The following NPBWR1 variants were observed in gnomAD, a reference collection of about 807,000 sequenced individuals.
NPBWR1 encodes neuropeptides B and W receptor 1.
NPBWR1 carries 4 observed loss-of-function variants against 2.8 expected under a neutral mutation model. The observed-to-expected ratio is 1.44, with a 90% CI of 0.71 to 3.29. The LOEUF is 3.29. NPBWR1 is among the 30% of genes most tolerant of loss of function. The pLI, the probability that NPBWR1 is intolerant of heterozygous loss-of-function variation, is 0.01. For synonymous variants in NPBWR1, 250 were observed against 224.5 expected, an observed-to-expected ratio of 1.11 and a Z score of -1.02; for missense variants, 545 against 462.5, an observed-to-expected ratio of 1.18 and a Z score of -1.64.
In NPBWR1 at chr8:52,939,879, A is replaced by C. The variant is rs756921952; in HGVS notation, c.-29A>C. 1.3e-6 allele frequency: 2 copies of C among 1,494,860 alleles called. No homozygotes were observed. The highest frequency in any genetic ancestry group is 2.3e-5 in the East Asian group (1 of 43,110). 92.6% of individuals were successfully genotyped at this position (1,494,860 alleles called of 1,614,324 possible). ...CCGTAGGGCGTCCTTGGGGGACGCC[A>C]GGTCGCCGGCTCCTCTGCCCTCGTT... On this transcript the variant is annotated 5_prime_UTR_variant, in exon 2 of 2. Coordinates refer to ENST00000674939, the MANE Select transcript of NPBWR1 (RefSeq NM_005285.5).
chr8:52,939,861 G>T lies in NPBWR1; in HGVS notation c.-47G>T. On this transcript the variant is annotated 5_prime_UTR_variant, in exon 2 of 2. Transcript: ENST00000674939. ...CTTCAGGACCGCTGAGCTCCGTAGGGCGTCCTTGGGGGACGCCAGGTCGCC... is the reference window on the plus strand; with the variant it reads ...CTTCAGGACCGCTGAGCTCCGTAGGTCGTCCTTGGGGGACGCCAGGTCGCC... 2 of 1,476,344 alleles carry T rather than the reference G, an allele frequency of 1.4e-6. No homozygotes were observed. Among genetic ancestry groups the T allele is most frequent in the South Asian group, 2.8e-5 (2 of 71,798 alleles). The allele number at this position is 1,476,344 out of a possible 1,614,324, so 91.5% of individuals were successfully genotyped here.
Position 52,941,596 on chromosome 8 carries a change from C to A in NPBWR1, c.*702C>A, listed in dbSNP as rs909417598. 2.0e-5 allele frequency among the ~76,000 whole-genome samples: 3 copies of A among 152,224 alleles called. No homozygotes were observed. Reference sequence around the variant, plus strand: ...CGCGCGTTTGCGGAGGCATGAAATGCGGGGAAAGAGGCTGGCGCTTGGCAG... The same window carrying A: ...CGCGCGTTTGCGGAGGCATGAAATGAGGGGAAAGAGGCTGGCGCTTGGCAG... On this transcript the variant is annotated 3_prime_UTR_variant, in exon 2 of 2. Coordinates refer to ENST00000674939, the MANE Select transcript of NPBWR1 (RefSeq NM_005285.5).
In NPBWR1 at chr8:52,940,537, G is replaced by A; in HGVS notation, c.630G>A (p.Leu210=). Residue 210 remains leucine, a synonymous_variant, in exon 2 of 2, where the codon CTG becomes CTA. Transcript: ENST00000674939. Reference sequence around the variant, plus strand: ...CGAGCCGCCTCTACACGCTCGTGCTGGGCTTCGCCATCCCCGTGTCCACCA... The same window carrying A: ...CGAGCCGCCTCTACACGCTCGTGCTAGGCTTCGCCATCCCCGTGTCCACCA... ...WRASRLYTLV[L]GFAIPVSTIC... 1.3e-6 allele frequency: 2 copies of A among 1,595,504 alleles called. No homozygotes were observed. The highest frequency in any genetic ancestry group is 1.1e-5 in the South Asian group (1 of 89,224).
rs113124539 is a variant in NPBWR1 at position 52,941,761 on chromosome 8, G to A, written c.*867G>A. Among the ~76,000 whole-genome samples the A allele has an allele frequency of 0.17, 25,211 of 152,252 alleles. 2,196 individuals are homozygous for A. The highest frequency in any genetic ancestry group is 0.22 in the African/African-American group (9,281 of 41,548). ...GAGCAAGGAACCCGGAGTAGCCCGGGCGCGCGGTTCCGGCGCCCCCTGGAG... is the reference window on the plus strand; with the variant it reads ...GAGCAAGGAACCCGGAGTAGCCCGGACGCGCGGTTCCGGCGCCCCCTGGAG... On this transcript the variant is annotated 3_prime_UTR_variant, in exon 2 of 2. Transcript: ENST00000674939.
At position 52,942,432 on chromosome 8, in the gene NPBWR1, A is replaced by C. The variant is rs1296341200; in HGVS notation, c.*1538A>C. Among the ~76,000 whole-genome samples, 6 of 152,212 alleles carry C rather than the reference A, an allele frequency of 3.9e-5. No homozygotes were observed. On this transcript the variant is annotated 3_prime_UTR_variant, in exon 2 of 2. Coordinates refer to ENST00000674939, the MANE Select transcript of NPBWR1 (RefSeq NM_005285.5). ...AACCCTAAGCAAAGTCTGGTAATTG[A>C]TTATGGTGTTTTAAAAGGTATTAAT...
At position 52,939,931 on chromosome 8, in the gene NPBWR1, G is replaced by T; in HGVS notation, c.24G>T (p.Glu8Asp). 1.9e-6 allele frequency: 3 copies of T among 1,562,048 alleles called. No homozygotes were observed. Among genetic ancestry groups the T allele is most frequent in the Non-Finnish European group, 2.6e-6 (3 of 1,161,960 alleles). ...AGATGGACAACGCCTCGTTCTCGGA[G>T]CCCTGGCCCGCCAACGCATCGGGCC... is the stretch of plus-strand genomic sequence containing the variant. MDNASFS[E>D]PWPANASGPD... The change falls in exon 2 of 2, where the codon GAG (glutamate) becomes GAT (aspartate). Residue 8 changes from glutamate to aspartate, a missense_variant. Coordinates refer to ENST00000674939, the MANE Select transcript of NPBWR1 (RefSeq NM_005285.5).
In NPBWR1 at chr8:52,940,140, A is replaced by C. The variant is rs1409159643; in HGVS notation, c.233A>C (p.Asn78Thr). ...MKTVTNLFIL[N>T]LAIADELFTL... The stretch of plus-strand genomic sequence containing the variant: ...ACCGTCACCAACCTGTTCATCCTCA[A>C]CCTGGCCATCGCCGACGAGCTCTTC... The change falls in exon 2 of 2, where the codon AAC (asparagine) becomes ACC (threonine). Residue 78 changes from asparagine (N) to threonine (T), a missense_variant. Coordinates refer to ENST00000674939, the MANE Select transcript of NPBWR1 (RefSeq NM_005285.5). The C allele has an allele frequency of 3.1e-6, 5 of 1,613,220 alleles. No homozygotes were observed. The South Asian group carries it at 3.3e-5, about 11-fold the overall frequency.
rs1291575807 is a variant in NPBWR1, at chr8:52,939,899, C to T, written c.-9C>T. On this transcript the variant is annotated 5_prime_UTR_variant, in exon 2 of 2. Transcript: ENST00000674939. ...ACGCCAGGTCGCCGGCTCCTCTGCC[C>T]TCGTTGAGATGGACAACGCCTCGTT... The T allele has an allele frequency of 1.3e-6, 2 of 1,524,950 alleles. No homozygotes were observed. The highest frequency in any genetic ancestry group is 2.1e-5 in the Admixed American group (1 of 48,246). 94.5% of individuals were successfully genotyped at this position (1,524,950 alleles called of 1,614,324 possible). A position where few individuals can be genotyped will look rare whatever the true frequency, so the allele number is the denominator to read the frequency against.
rs1022735110 is a variant in NPBWR1, at chr8:52,943,249, C to T, written c.*2355C>T. On this transcript the variant is annotated 3_prime_UTR_variant, in exon 2 of 2. Coordinates refer to ENST00000674939, the MANE Select transcript of NPBWR1 (RefSeq NM_005285.5). ...TGGAGATGACTGCTGGAAAAATACA[C>T]GGGCTGACATTGCTGTTCATCCCCA... Among the ~76,000 whole-genome samples, 3 of 152,206 alleles carry T rather than the reference C, an allele frequency of 2.0e-5. No individual in the cohort carries two copies. Among genetic ancestry groups the T allele is most frequent in the Non-Finnish European group, 2.9e-5 (2 of 68,034 alleles).
In NPBWR1 at chr8:52,940,351, C is replaced by G. The variant is rs201268264; in HGVS notation, c.444C>G (p.Ala148=). ...VLATAESRRV[A]GRTYSAARAV... is the part of the protein sequence containing the mutation. ...CCACTGCGGAGTCGCGCCGGGTGGCCGGCCGCACCTACAGCGCCGCGCGCG... is the reference window on the plus strand; with the variant it reads ...CCACTGCGGAGTCGCGCCGGGTGGCGGGCCGCACCTACAGCGCCGCGCGCG... The change falls in exon 2 of 2, where the codon GCC becomes GCG. Residue 148 remains alanine, a synonymous_variant. Coordinates refer to ENST00000674939, the MANE Select transcript of NPBWR1 (RefSeq NM_005285.5). 2 of 1,608,974 alleles carry G rather than the reference C, an allele frequency of 1.2e-6. No individual in the cohort carries two copies. The highest frequency in any genetic ancestry group is 1.1e-5 in the South Asian group (1 of 91,004).
In NPBWR1 at chr8:52,941,637, T is replaced by C. The variant is rs1250961638; in HGVS notation, c.*743T>C. 6.6e-6 allele frequency among the ~76,000 whole-genome samples: 1 copy of C among 152,266 alleles called. No individual in the cohort carries two copies. Among genetic ancestry groups the C allele is most frequent in the Non-Finnish European group, 1.5e-5 (1 of 68,050 alleles). On this transcript the variant is annotated 3_prime_UTR_variant, in exon 2 of 2. Coordinates refer to ENST00000674939, the MANE Select transcript of NPBWR1 (RefSeq NM_005285.5). Reference sequence around the variant, plus strand: ...CGCTTGGCAGTGACTGCCTAGAATATGATACGAATAGTGATCCTTCTTTCT... The same window carrying C: ...CGCTTGGCAGTGACTGCCTAGAATACGATACGAATAGTGATCCTTCTTTCT...
In NPBWR1 at chr8:52,941,846, G is replaced by A. The variant is rs1464429476; in HGVS notation, c.*952G>A. Among the ~76,000 whole-genome samples, 1 of 152,196 alleles carries A rather than the reference G, an allele frequency of 6.6e-6. No homozygotes were observed. The highest frequency in any genetic ancestry group is 2.4e-5 in the African/African-American group (1 of 41,466). ...GCGGGGCTTTGTGGTGGAGCACTCC[G>A]GCTGAGCGCGCTTCACAGCGCTGTG... On this transcript the variant is annotated 3_prime_UTR_variant, in exon 2 of 2. Transcript: ENST00000674939.
chr8:52,940,826 T>C lies in NPBWR1; in HGVS notation c.919T>C (p.Tyr307His). The C allele has an allele frequency of 6.2e-7, 1 of 1,613,840 alleles. No individual in the cohort carries two copies. Among genetic ancestry groups the C allele is most frequent in the Non-Finnish European group, 8.5e-7 (1 of 1,179,870 alleles). Residue 307 changes from tyrosine (Y) to histidine (H), a missense_variant, in exon 2 of 2, where the codon TAC becomes CAC. Transcript: ENST00000674939. ...YANSCLNPFLYAFLDASFRRN... is the reference protein window; with the variant it reads ...YANSCLNPFLHAFLDASFRRN... ...CAACAGCTGCCTCAACCCCTTCCTC[T>C]ACGCCTTCCTGGACGCCAGCTTCCG...
In NPBWR1 at chr8:52,941,412, G is replaced by T. The variant is rs1269904221; in HGVS notation, c.*518G>T. ...GCGCTCTGGGAAGACGGTCAGGCGC[G>T]CGCGTTTGGCGCCCACCCCTGTGAG... On this transcript the variant is annotated 3_prime_UTR_variant, in exon 2 of 2. Transcript: ENST00000674939. Among the ~76,000 whole-genome samples the T allele has an allele frequency of 6.6e-6, 1 of 152,204 alleles. No individual in the cohort carries two copies. The highest frequency in any genetic ancestry group is 1.5e-5 in the Non-Finnish European group (1 of 68,032).
chr8:52,940,980 C>A lies in NPBWR1; in HGVS notation c.*86C>A. ...CGCCAGAGTGCGGGACCAGACAGGC[C>A]GCCTAGGCCTCCTGGGGAAACCGAC... is the stretch of plus-strand genomic sequence containing the variant. On this transcript the variant is annotated 3_prime_UTR_variant, in exon 2 of 2. Transcript: ENST00000674939. 4 of 1,459,798 alleles carry A rather than the reference C, an allele frequency of 2.7e-6. No homozygotes were observed. Among genetic ancestry groups the A allele is most frequent in the Non-Finnish European group, 3.6e-6 (4 of 1,108,296 alleles). 90.4% of individuals were successfully genotyped at this position (1,459,798 alleles called of 1,614,324 possible).
Position 52,942,695 on chromosome 8 carries a change from G to C in NPBWR1, c.*1801G>C, listed in dbSNP as rs1269257991. Among the ~76,000 whole-genome samples, 1 of 152,182 alleles carries C rather than the reference G, an allele frequency of 6.6e-6. No homozygotes were observed. Among genetic ancestry groups the C allele is most frequent in the Non-Finnish European group, 1.5e-5 (1 of 68,036 alleles). Reference sequence around the variant, plus strand: ...TCTCTAATTTTGGTGAATAAGAATTGCTTTCTTAGCTCTCAGAGTTTTTAG... The same window carrying C: ...TCTCTAATTTTGGTGAATAAGAATTCCTTTCTTAGCTCTCAGAGTTTTTAG... On this transcript the variant is annotated 3_prime_UTR_variant, in exon 2 of 2. Coordinates refer to ENST00000674939, the MANE Select transcript of NPBWR1 (RefSeq NM_005285.5).
Position 52,941,559 on chromosome 8 carries a change from G to C in NPBWR1, c.*665G>C, listed in dbSNP as rs1227811134. Among the ~76,000 whole-genome samples the C allele has an allele frequency of 1.3e-5, 2 of 152,272 alleles. No individual in the cohort carries two copies. Among genetic ancestry groups the C allele is most frequent in the African/African-American group, 4.8e-5 (2 of 41,480 alleles). On this transcript the variant is annotated 3_prime_UTR_variant, in exon 2 of 2. Transcript: ENST00000674939. ...AGTGTGTATACACCTGTGTGTGTGTGTGTGTGGTGTGCGCGCGTTTGCGGA... is the reference window on the plus strand; with the variant it reads ...AGTGTGTATACACCTGTGTGTGTGTCTGTGTGGTGTGCGCGCGTTTGCGGA...
chr8:52,940,461 G>C lies in NPBWR1; in HGVS notation c.554G>C (p.Arg185Pro). The C allele has an allele frequency of 4.4e-6, 7 of 1,587,626 alleles. No individual in the cohort carries two copies. The highest frequency in any genetic ancestry group is 6.0e-6 in the Non-Finnish European group (7 of 1,172,416). Residue 185 changes from arginine (R) to proline (P), a missense_variant, in exon 2 of 2, where the codon CGG (arginine) becomes CCG (proline). By Grantham distance (103) the Arg-to-Pro change is moderately radical. Coordinates refer to ENST00000674939, the MANE Select transcript of NPBWR1 (RefSeq NM_005285.5). ...GCCCGGCTAGACGACGAGCAGGGCC[G>C]GCGCCAGTGCGTGCTAGTCTTTCCG... ...VFARLDDEQG[R>P]RQCVLVFPQP...
chr8:52,940,311 A>G lies in NPBWR1; in HGVS notation c.404A>G (p.Tyr135Cys). The change falls in exon 2 of 2, where the codon TAC becomes TGC. Residue 135 changes from tyrosine to cysteine, a missense_variant. Physicochemically the swap from Tyr to Cys is radical, Grantham distance 194. Coordinates refer to ENST00000674939, the MANE Select transcript of NPBWR1 (RefSeq NM_005285.5). The part of the protein sequence containing the change: ...YFLTVMSADR[Y>C]LVVLATAESR... Reference sequence around the variant, plus strand: ...CTCACCGTCATGAGCGCCGACCGCTACCTGGTGGTGTTGGCCACTGCGGAG... The same window carrying G: ...CTCACCGTCATGAGCGCCGACCGCTGCCTGGTGGTGTTGGCCACTGCGGAG... 1 of 1,612,390 alleles carries G rather than the reference A, an allele frequency of 6.2e-7. No individual in the cohort carries two copies. The highest frequency in any genetic ancestry group is 8.5e-7 in the Non-Finnish European group (1 of 1,179,846).
Sources: gnomAD v4.1 joint callset for allele counts (sites outside exome capture counted in the v4.1 genomes callset) on GRCh38, gnomAD v4.1.1 for gene constraint, MANE v1.5 for transcripts, NCBI Gene and HGNC (gene_info 2026-07-23, HGNC 2026-07-21) for gene names.